Variants in NUDC observed in about 807,000 individuals in gnomAD.
The protein encoded by NUDC is nuclear distribution C, dynein complex regulator, also known as nuclear migration protein nudC.
NUDC carries 14 observed loss-of-function variants against 45.0 expected under a neutral mutation model. The ratio of observed to expected loss-of-function variants is 0.31; its 90% CI spans 0.21 to 0.49. The LOEUF (loss-of-function observed/expected upper bound fraction) is 0.49. Among genes scored for constraint, NUDC ranks in the 20% least tolerant of loss-of-function variants. NUDC has a pLI of 0.99. For synonymous variants in NUDC, 153 were observed against 156.7 expected (o/e 0.98, Z 0.17); for missense variants, 323 against 426.2 (o/e 0.76, Z 2.13).
In NUDC at chr1:26,901,788, G is replaced by A. The variant is rs561745150; in HGVS notation, c.-100-494G>A. On this transcript the variant is annotated intron_variant, in intron 1 of 6. Coordinates refer to the NUDC transcript ENST00000435827. ...TCAGACAAAGTCTACACATTATACT[G>A]GGTGATAGGAGGAACCTGTAGATTG... 3.2e-3 allele frequency among the ~76,000 whole-genome samples: 493 copies of A among 152,176 alleles called. 1 individual carries two copies. The highest frequency in any genetic ancestry group is 5.4e-3 in the Non-Finnish European group (367 of 68,010).
intron 2 of NUDC, among the ~76,000 whole-genome samples, chr1:26,931,682 G>A (rs1260892484): frequency 1.0e-4 from 15 of 150,558 alleles, no homozygotes; most frequent in Non-Finnish European, 1.6e-4. Flanking sequence ...GGGAGGCTGA[G>A]GGAGGAGAAT....
chr1:26,910,739 G>A (rs1049938503), intron 2 of NUDC, among the ~76,000 whole-genome samples: 1 of 152,158 alleles, frequency 6.6e-6, no homozygotes, highest in South Asian at 2.1e-4. Context: ...TGGCAACTGG[G>A]TCAAAATATT....
intron 2 of NUDC, among the ~76,000 whole-genome samples, chr1:26,930,147 C>T (rs2082168696): frequency 6.6e-6 from 1 of 152,108 alleles, no homozygotes. Flanking sequence ...TTCTGATTTC[C>T]CTCAATGCTC....
upstream of NUDC, among the ~76,000 whole-genome samples, chr1:26,918,947 T>C (rs1049358851): frequency 4.6e-5 from 7 of 152,096 alleles, no homozygotes; most frequent in Non-Finnish European, 8.8e-5. Context: ...CCAACTAATC[T>C]TTGTATTTTT....
chr1:26,911,138 A>C (rs2082023814), exon 3 of NUDC: 1 of 471,080 alleles, frequency 2.1e-6, no homozygotes, highest in East Asian at 6.9e-5. Flanking sequence ...GAATGGGGGA[A>C]GTGAATGATC....
At chr1:26,916,103 A>C (rs1457375219) in intron 3 of NUDC, among the ~76,000 whole-genome samples, 1 of 152,010 alleles carries the variant, frequency 6.6e-6, no homozygotes, top group Non-Finnish European at 1.5e-5. Flanking sequence ...AATAGAATAC[A>C]CACTCGGTTA....
intron 2 of NUDC, among the ~76,000 whole-genome samples, chr1:26,925,445 C>CA (rs1236759771): frequency 1.4e-5 from 2 of 140,580 alleles, no homozygotes; most frequent in Non-Finnish European, 3.0e-5. Flanking sequence ...GAGGCTGAGG[C>CA]AGGAGAATGG....
chr1:26,901,694 C>T (rs1187180437), intron 1 of NUDC, among the ~76,000 whole-genome samples: 2 of 152,008 alleles, frequency 1.3e-5, no homozygotes, highest in African/African-American at 2.4e-5. Flanking sequence ...TGTAAGCCAC[C>T]GCACCCGGCC....
At chr1:26,914,109 G>C in intron 3 of NUDC, 2 of 522,898 alleles carry the variant, frequency 3.8e-6, no homozygotes. Context: ...GGAATGGTGG[G>C]GAAGTGGTGG....
At chr1:26,915,292 A>G (rs1440413835) in intron 3 of NUDC, among the ~76,000 whole-genome samples, 1 of 152,114 alleles carries the variant, frequency 6.6e-6, no homozygotes, top group Non-Finnish European at 1.5e-5. Context: ...GCCCAATTGC[A>G]CAGCCAGAGC....
chr1:26,914,366 G>T (rs2082049687), intron 3 of NUDC, among the ~76,000 whole-genome samples: 1 of 152,224 alleles, frequency 6.6e-6, no homozygotes, highest in African/African-American at 2.4e-5. Flanking sequence ...AAGCCAGGAA[G>T]CCAGCCCCAG....
upstream of NUDC, among the ~76,000 whole-genome samples, chr1:26,919,022 C>T (rs1031043895): frequency 2.6e-4 from 39 of 151,920 alleles, no homozygotes; most frequent in African/African-American, 8.7e-4. Context: ...AAGTGATCCA[C>T]TTGCCTCGGC....
chr1:26,911,345 T>C (rs1015425505), intron 3 of NUDC: 10 of 369,822 alleles, frequency 2.7e-5, no homozygotes. Flanking sequence ...GGTGATGGGA[T>C]TGTGAACTGA....
intron 2 of NUDC, among the ~76,000 whole-genome samples, chr1:26,910,545 C>T (rs2082021233): frequency 1.3e-5 from 2 of 152,186 alleles, no homozygotes; most frequent in African/African-American, 4.8e-5. Flanking sequence ...AGTGAATGGC[C>T]TCTTATTGAG....
rs1471160734 is a variant in NUDC, at chr1:26,946,197, C to A, written c.*16C>A. Reference sequence around the variant, plus strand: ...ATTCAACTAGCCCCTGTTTTTTCCTCCCTGAACTCTTGGGGCTGAGCTGCA... The same window carrying A: ...ATTCAACTAGCCCCTGTTTTTTCCTACCTGAACTCTTGGGGCTGAGCTGCA... On this transcript the variant is annotated 3_prime_UTR_variant, in exon 9 of 9. Coordinates refer to ENST00000321265, the MANE Select transcript of NUDC (RefSeq NM_006600.4). 2 of 1,609,504 alleles carry A rather than the reference C, an allele frequency of 1.2e-6. No homozygotes were observed.
At chr1:26,915,441 G>A (rs932874727) in intron 3 of NUDC, among the ~76,000 whole-genome samples, 2 of 152,174 alleles carry the variant, frequency 1.3e-5, no homozygotes, top group African/African-American at 2.4e-5. Flanking sequence ...TTCTCAGATG[G>A]TGGAGCACAG....
At chr1:26,903,944 G>T (rs1223884229) in intron 2 of NUDC, among the ~76,000 whole-genome samples, 1 of 150,964 alleles carries the variant, frequency 6.6e-6, no homozygotes, top group Non-Finnish European at 1.5e-5. Flanking sequence ...CCGGGAGGCG[G>T]AGCTTGCAGT....
At chr1:26,900,481 G>A (rs776262696) in intron 1 of NUDC, 1 of 1,538,868 alleles carries the variant, frequency 6.5e-7, no homozygotes, top group East Asian at 2.3e-5. Flanking sequence ...CAAGTCTCGC[G>A]AGAACACCGC....
At chr1:26,937,627 TTTTA>T (rs1455507977) in intron 2 of NUDC, among the ~76,000 whole-genome samples, 4 of 151,828 alleles carry the variant, frequency 2.6e-5, no homozygotes, top group Non-Finnish European at 4.4e-5. Flanking sequence ...TGCACTAGCA[TTTTA>T]TTTATTTATT....
Sources: gnomAD v4.1 joint callset for allele counts (sites outside exome capture counted in the v4.1 genomes callset) on GRCh38, gnomAD v4.1.1 for gene constraint, MANE v1.5 for transcripts, NCBI Gene and HGNC (gene_info 2026-07-23, HGNC 2026-07-21) for gene names.